Variants in RXRA observed in about 807,000 individuals in gnomAD.
RXRA encodes the protein retinoic acid receptor RXR-alpha.
In RXRA, 5 loss-of-function variants were observed where a neutral mutation model predicts 44.5. That is an observed-to-expected ratio of 0.11 (90% CI 0.06 to 0.24). The LOEUF is 0.24. Ranked by LOEUF, RXRA falls within the 10% of genes least tolerant of loss-of-function variation. The probability of loss-of-function intolerance (pLI) is 1.00; values close to 1 mark genes in which losing one functional copy is unlikely to be tolerated. For missense variants in RXRA, 412 were observed against 646.5 expected (o/e 0.64, Z 3.93); for synonymous variants, 291 against 271.4 (o/e 1.07, Z -0.71).
chr9:134,395,937 C>T (rs985078433), intron 1 of RXRA, among the ~76,000 whole-genome samples: 8 of 152,244 alleles, frequency 5.3e-5, no homozygotes, highest in African/African-American at 1.9e-4. Flanking sequence ...CTGGAGGCCG[C>T]TAGCGGGCCA....
intron 1 of RXRA, among the ~76,000 whole-genome samples, chr9:134,335,746 C>T (rs1159358602): frequency 4.6e-5 from 7 of 152,154 alleles, no homozygotes; most frequent in African/African-American, 1.4e-4. Context: ...CTCCTACCGG[C>T]GCCCATGTGC....
intron 1 of RXRA, among the ~76,000 whole-genome samples, chr9:134,336,615 C>T (rs1327930971): frequency 1.3e-5 from 2 of 152,282 alleles, no homozygotes; most frequent in Non-Finnish European, 2.9e-5. Context: ...GGCCCTCAGA[C>T]CTCAGAGTCT....
chr9:134,409,525 C>G (rs1049979695), intron 4 of RXRA, among the ~76,000 whole-genome samples: 1 of 152,226 alleles, frequency 6.6e-6, no homozygotes, highest in African/African-American at 2.4e-5. Flanking sequence ...TGGAGCAGTT[C>G]CTCCTTTCCT....
chr9:134,373,353 G>A (rs1252091466), intron 1 of RXRA, among the ~76,000 whole-genome samples: 1 of 152,136 alleles, frequency 6.6e-6, no homozygotes, highest in Non-Finnish European at 1.5e-5. Flanking sequence ...ACGCCCGACT[G>A]TCTTTAACAG....
At chr9:134,434,670 C>T (rs1044508095) in intron 9 of RXRA, among the ~76,000 whole-genome samples, 11 of 152,266 alleles carry the variant, frequency 7.2e-5, no homozygotes, top group African/African-American at 2.7e-4. Flanking sequence ...ATGTTTCCCC[C>T]CTGCCCGGCT....
chr9:134,352,592 T>C (rs1830234901), intron 1 of RXRA, among the ~76,000 whole-genome samples: 1 of 152,164 alleles, frequency 6.6e-6, no homozygotes, highest in Non-Finnish European at 1.5e-5. Flanking sequence ...GGCCCCGCTT[T>C]CCTTTGGTGG....
chr9:134,434,403 G>A (rs942525582), intron 9 of RXRA, among the ~76,000 whole-genome samples, 196 bp downstream of exon 9: 3 of 152,084 alleles, frequency 2.0e-5, no homozygotes, highest in East Asian at 1.9e-4. Context: ...ACAGGCCCAC[G>A]TCGTATCCCC....
rs1296345966 is a variant in RXRA at position 134,349,062 on chromosome 9, A to T, written c.28+22403A>T. ...CTGGTCCCCGCTGAGAAGGCTGGTG[A>T]TGCATGGTGGGTACGCTGCTTCCCG... On this transcript the variant is annotated intron_variant, in intron 1 of 9. Coordinates refer to ENST00000481739, the MANE Select transcript of RXRA (RefSeq NM_002957.6). This position sits in a 1 kb window ranked among gnomAD's most constrained non-coding sequence, Gnocchi z 4.3. 6.6e-6 allele frequency among the ~76,000 whole-genome samples: 1 copy of T among 152,154 alleles called. No homozygotes were observed. Among genetic ancestry groups the T allele is most frequent in the Admixed American group, 6.5e-5 (1 of 15,278 alleles).
chr9:134,372,529 T>C (rs1564274152), intron 1 of RXRA, among the ~76,000 whole-genome samples: 2 of 152,070 alleles, frequency 1.3e-5, no homozygotes, highest in Admixed American at 6.5e-5. Context: ...GCACACGGCT[T>C]AGAGGGCATC....
At chr9:134,380,165 T>A in intron 1 of RXRA, 1 of 985,396 alleles carries the variant, frequency 1.0e-6, no homozygotes, top group Non-Finnish European at 1.2e-6. Flanking sequence ...TCAGGGCAGG[T>A]GCGTGTGTTG....
rs1019418533 is a variant in RXRA at position 134,365,146 on chromosome 9, G to A, written c.29-36486G>A. Among the ~76,000 whole-genome samples, 19 of 152,358 alleles carry A rather than the reference G, an allele frequency of 1.2e-4. No homozygotes were observed. The highest frequency in any genetic ancestry group is 1.1e-3 in the Admixed American group (17 of 15,310). On this transcript the variant is annotated intron_variant, in intron 1 of 9. Coordinates refer to ENST00000481739, the MANE Select transcript of RXRA (RefSeq NM_002957.6). The surrounding 1 kb of genome is among the most constrained non-coding windows in gnomAD (Gnocchi z 4.0). ...ATGGCTCCGGGGCCACCACAGAGGC[G>A]GCTGTTGCTGGAGGGCTGATGGCAC... is the stretch of plus-strand genomic sequence containing the variant.
intron 6 of RXRA, chr9:134,425,012 A>G: frequency 3.0e-6 from 3 of 985,436 alleles, no homozygotes; most frequent in South Asian, 9.4e-5. Context: ...GGCGACAGCA[A>G]CGATGGGAAT....
At position 134,433,877 on chromosome 9, in the gene RXRA, G is replaced by C. The variant is rs917575249; in HGVS notation, c.1136-225G>C. Reference sequence around the variant, plus strand: ...CACGTGGCTGGCAAGTGGCAGAGCTGAGCCTGGACCCAGAGCAGCCTGGCC... The same window carrying C: ...CACGTGGCTGGCAAGTGGCAGAGCTCAGCCTGGACCCAGAGCAGCCTGGCC... On this transcript the variant is annotated intron_variant, in intron 8 of 9. Transcript: ENST00000481739. The surrounding 1 kb of genome is among the most constrained non-coding windows in gnomAD (Gnocchi z 4.2). 2.0e-5 allele frequency among the ~76,000 whole-genome samples: 3 copies of C among 152,192 alleles called. No homozygotes were observed. The highest frequency in any genetic ancestry group is 6.5e-5 in the Admixed American group (1 of 15,290).
At chr9:134,347,037 G>C (rs1225961674) in intron 1 of RXRA, among the ~76,000 whole-genome samples, 1 of 152,162 alleles carries the variant, frequency 6.6e-6, no homozygotes, top group Non-Finnish European at 1.5e-5. Context: ...GGTGGGAGTA[G>C]GGTGGTGGCC....
chr9:134,427,212 G>A, intron 6 of RXRA: 1 of 977,856 alleles, frequency 1.0e-6, no homozygotes, highest in Non-Finnish European at 1.2e-6. Context: ...AGAAAATCTG[G>A]CTGGGCAGTG....
intron 1 of RXRA, among the ~76,000 whole-genome samples, chr9:134,330,940 A>G (rs1258488129): frequency 6.6e-6 from 1 of 152,174 alleles, no homozygotes; most frequent in Non-Finnish European, 1.5e-5. Context: ...TCCTGTGGCT[A>G]GGTCCTCTCT....
Position 134,371,047 on chromosome 9 carries a change from G to A in RXRA, c.29-30585G>A, listed in dbSNP as rs1300130718. Among the ~76,000 whole-genome samples the A allele has an allele frequency of 3.3e-5, 5 of 152,182 alleles. No homozygotes were observed. The East Asian group carries it at 9.6e-4, about 29-fold the overall frequency. On this transcript the variant is annotated intron_variant, in intron 1 of 9. Coordinates refer to ENST00000481739, the MANE Select transcript of RXRA (RefSeq NM_002957.6). ...CTGAGTGCTGAAGACAGTGTGGGGG[G>A]CCCTGGGCTGGCAGGTGGGTCACCC...
chr9:134,431,813 C>T lies in RXRA; in HGVS notation c.1044-92C>T, dbSNP rs562639961. ...CATCTCAGCGGCCCTCGGGCCACGC[C>T]GGGCTCTCCAGAGGCCTTGGGTATC... On this transcript the variant is annotated intron_variant, in intron 7 of 9. Coordinates refer to ENST00000481739, the MANE Select transcript of RXRA (RefSeq NM_002957.6). 168 of 990,480 alleles carry T rather than the reference C, an allele frequency of 1.7e-4. 1 individual carries two copies. Among genetic ancestry groups the T allele is most frequent in the South Asian group, 1.1e-3 (80 of 71,080 alleles). The allele number at this position is 990,480 out of a possible 1,614,324, so 61.4% of individuals were successfully genotyped here.
chr9:134,401,869 C>G lies in RXRA; in HGVS notation c.266C>G (p.Thr89Ser), dbSNP rs565636631. Residue 89 changes from threonine to serine, a missense_variant, in exon 2 of 10, where the codon ACT becomes AGT. Physicochemically the swap from Thr to Ser is moderately conservative, Grantham distance 58 (BLOSUM62 1). This residue lies in a region of RXRA where 156 missense variants were observed against 177.2 expected (regional missense o/e 0.88). Coordinates refer to ENST00000481739, the MANE Select transcript of RXRA (RefSeq NM_002957.6). ...ACCACACCCACCCTGGGCTTCAGCA[C>G]TGGCAGCCCCCAGGTGAGTGCGGGG... ...VPTTPTLGFS[T>S]GSPQLSSPMN... 4 of 1,606,892 alleles carry G rather than the reference C, an allele frequency of 2.5e-6. No homozygotes were observed. In the African/African-American group the frequency reaches 5.3e-5, roughly 21 times the overall value.
Sources: gnomAD v4.1 joint callset for allele counts (sites outside exome capture counted in the v4.1 genomes callset) on GRCh38, gnomAD v4.1.1 for gene constraint, gnomAD v4.1.1 regional missense constraint, Gnocchi (gnomAD v3.1) non-coding constraint, MANE v1.5 for transcripts, NCBI Gene and HGNC (gene_info 2026-07-23, HGNC 2026-07-21) for gene names.